Variants in KCNQ5 observed in about 807,000 individuals in gnomAD.
KCNQ5 encodes the protein potassium voltage-gated channel subfamily KQT member 5.
KCNQ5 carries 30 observed loss-of-function variants against 98.2 expected under a neutral mutation model. The ratio of observed to expected loss-of-function variants is 0.31; its 90% confidence interval spans 0.23 to 0.41. KCNQ5 has a LOEUF of 0.41. Ranked by LOEUF, KCNQ5 falls within the 10% of genes least tolerant of loss-of-function variation. KCNQ5 has a pLI of 1.00. For synonymous variants in KCNQ5, 458 were observed against 449.4 expected (o/e 1.02, Z -0.24); for missense variants, 835 against 1,182.5 (o/e 0.71, Z 4.31).
intron 9 of KCNQ5, chr6:73,129,756 G>A (rs1029720863): frequency 6.4e-7 from 1 of 1,570,970 alleles, no homozygotes; most frequent in African/African-American, 1.4e-5. Context: ...TTCGTGAAAT[G>A]CTTAGTAATG....
chr6:73,023,577 C>T (rs983483034), intron 2 of KCNQ5, among the ~76,000 whole-genome samples: 9 of 152,122 alleles, frequency 5.9e-5, no homozygotes, highest in African/African-American at 2.2e-4. Flanking sequence ...GTATTAAGCC[C>T]CTAGGAACCT....
chr6:73,058,493 A>G (rs1772628114), intron 3 of KCNQ5, among the ~76,000 whole-genome samples: 1 of 152,214 alleles, frequency 6.6e-6, no homozygotes, highest in Non-Finnish European at 1.5e-5. Flanking sequence ...CCTGGCAAAG[A>G]TTTTATGACA....
At chr6:73,150,877 A>C (rs1777123015) in intron 10 of KCNQ5, among the ~76,000 whole-genome samples, 1 of 151,366 alleles carries the variant, frequency 6.6e-6, no homozygotes, top group African/African-American at 2.4e-5. Flanking sequence ...ACATTCTTGA[A>C]ATTATAGAAA....
intron 3 of KCNQ5, among the ~76,000 whole-genome samples, chr6:73,068,353 A>G (rs1373089933): frequency 6.6e-6 from 1 of 152,178 alleles, no homozygotes; most frequent in Non-Finnish European, 1.5e-5. Context: ...AAATCCTGCT[A>G]TCCTGCTATG....
Position 72,723,783 on chromosome 6 carries a change from CA to C in KCNQ5, c.398+101206del, listed in dbSNP as rs951842289. Among the ~76,000 whole-genome samples the C allele has an allele frequency of 1.7e-3, 249 of 149,060 alleles. 2 individuals are homozygous for C. Among genetic ancestry groups the C allele is most frequent in the South Asian group, 3.0e-3 (14 of 4,710 alleles). ...TTTTCAAAATTTTGGAGCAAGATTTCAAAAAAAAAATCTATGATTCAATACA... is the reference window on the plus strand; with the variant it reads ...TTTTCAAAATTTTGGAGCAAGATTTCAAAAAAAAATCTATGATTCAATACA... On this transcript the variant is annotated intron_variant, in intron 1 of 13. Coordinates refer to ENST00000370398, the MANE Select transcript of KCNQ5 (RefSeq NM_019842.4).
At chr6:73,089,638 C>T (rs1312830897) in intron 5 of KCNQ5, among the ~76,000 whole-genome samples, 3 of 152,146 alleles carry the variant, frequency 2.0e-5, no homozygotes, top group African/African-American at 7.2e-5. Context: ...TTAGCTCCCA[C>T]CTATGAGTGA....
intron 1 of KCNQ5, among the ~76,000 whole-genome samples, chr6:72,639,933 A>T (rs917919555): frequency 4.6e-5 from 7 of 152,146 alleles, no homozygotes; most frequent in African/African-American, 1.7e-4. Context: ...GAGTTATGGT[A>T]AATAAAAGTT....
rs1772459200 is a variant in KCNQ5 at position 73,055,773 on chromosome 6, C to G, written c.616+13711C>G. The G allele has an allele frequency of 1.5e-5, 14 of 952,568 alleles. 1 individual carries two copies. The South Asian group carries it at 1.8e-4, about 12-fold the overall frequency. The allele number at this position is 952,568 out of a possible 1,614,324, so 59.0% of individuals were successfully genotyped here. On this transcript the variant is annotated intron_variant, in intron 3 of 13. Coordinates refer to ENST00000370398, the MANE Select transcript of KCNQ5 (RefSeq NM_019842.4). ...GACAAGAACTTGAAGCCCATCAAGC[C>G]CAGCCCACGCAGTTCCTAGGGGATG...
rs185225685 is a variant in KCNQ5 at position 73,013,042 on chromosome 6, A to G, written c.489+9044A>G. ...CTCATAGGGACACAAGTACAGGTGA[A>G]CTGTGGAACATTTGAAAATGCTACA... is the stretch of plus-strand genomic sequence containing the variant. On this transcript the variant is annotated intron_variant, in intron 2 of 13. Coordinates refer to ENST00000370398, the MANE Select transcript of KCNQ5 (RefSeq NM_019842.4). Among the ~76,000 whole-genome samples the G allele has an allele frequency of 1.8e-4, 28 of 152,176 alleles. No individual in the cohort carries two copies. The East Asian group carries it at 5.0e-3, about 27-fold the overall frequency.
At chr6:72,962,206 TATATATATATACAC>T (rs1562095978) in intron 1 of KCNQ5, among the ~76,000 whole-genome samples, 10 of 128,144 alleles carry the variant, frequency 7.8e-5, no homozygotes, top group African/African-American at 2.8e-4. Flanking sequence ...TATATACATA[TATATATATATACAC>T]ACATATATAT....
At chr6:72,708,272 C>T (rs1449121531) in intron 1 of KCNQ5, among the ~76,000 whole-genome samples, 5 of 151,782 alleles carry the variant, frequency 3.3e-5, no homozygotes, top group Non-Finnish European at 7.4e-5. Flanking sequence ...TAATTTTTCA[C>T]ATTAAGACAT....
chr6:72,786,400 C>A (rs1773743580), intron 1 of KCNQ5, among the ~76,000 whole-genome samples: 1 of 152,198 alleles, frequency 6.6e-6, no homozygotes, highest in East Asian at 1.9e-4. Context: ...TACACATGCA[C>A]CCCAGAACTT....
At chr6:73,173,724 C>CA (rs1437424106) in intron 11 of KCNQ5, among the ~76,000 whole-genome samples, 2 of 151,178 alleles carry the variant, frequency 1.3e-5, no homozygotes, top group East Asian at 3.9e-4. Context: ...CTGAGTTGGG[C>CA]AGATCACTTT....
chr6:72,807,071 G>A (rs1035618646), intron 1 of KCNQ5, among the ~76,000 whole-genome samples: 26 of 151,922 alleles, frequency 1.7e-4, no homozygotes, highest in Non-Finnish European at 3.5e-4. Flanking sequence ...ATTTATTTAT[G>A]CATTTATGTG....
intron 1 of KCNQ5, among the ~76,000 whole-genome samples, chr6:72,786,786 C>G (rs987084521): frequency 4.2e-4 from 63 of 151,786 alleles, no homozygotes; most frequent in African/African-American, 1.4e-3. Flanking sequence ...GCGGGCGGAT[C>G]ACGAGGTCAG....
chr6:72,881,758 C>A (rs1346261603), intron 1 of KCNQ5, among the ~76,000 whole-genome samples: 1 of 152,186 alleles, frequency 6.6e-6, no homozygotes, highest in Non-Finnish European at 1.5e-5. Flanking sequence ...GTGGCATGAT[C>A]TCGGCTCACT....
chr6:72,892,365 T>G (rs1328513658), intron 1 of KCNQ5, among the ~76,000 whole-genome samples: 1 of 152,196 alleles, frequency 6.6e-6, no homozygotes. Flanking sequence ...TAATTTGTAG[T>G]GCCTCAATTG....
At chr6:72,823,738 A>G (rs1412789534) in intron 1 of KCNQ5, among the ~76,000 whole-genome samples, 2 of 152,152 alleles carry the variant, frequency 1.3e-5, no homozygotes, top group Non-Finnish European at 2.9e-5. Flanking sequence ...GGTCCAAGCT[A>G]AATGCTACCT....
intron 1 of KCNQ5, among the ~76,000 whole-genome samples, chr6:72,797,012 T>A (rs1326820554): frequency 6.6e-6 from 1 of 152,158 alleles, no homozygotes. Context: ...CTCACTGCCT[T>A]TACGTTTTGT....
Sources: allele counts gnomAD v4.1 joint callset (sites outside exome capture counted in the v4.1 genomes callset), GRCh38; gene constraint gnomAD v4.1.1; transcripts MANE v1.5; gene names NCBI Gene and HGNC (gene_info 2026-07-23, HGNC 2026-07-21).